Variants in ADAM22 observed in about 807,000 individuals in gnomAD.
The protein encoded by ADAM22 is ADAM metallopeptidase domain 22, also known as disintegrin and metalloproteinase domain-containing protein 22.
A neutral mutation model predicts 144.6 loss-of-function variants in ADAM22; 65 were observed. The ratio of observed to expected loss-of-function variants is 0.45; its 90% CI spans 0.37 to 0.55. ADAM22 has a LOEUF of 0.55. ADAM22 is among the 20% of genes least tolerant of loss of function. The probability of loss-of-function intolerance (pLI) is 0.00; values close to 1 mark genes in which losing one functional copy is unlikely to be tolerated. For missense variants in ADAM22, 974 were observed against 1,184.9 expected (o/e 0.82, Z 2.61); for synonymous variants, 391 against 412.6 (o/e 0.95, Z 0.63).
chr7:88,066,522 G>A (rs1811288121), intron 3 of ADAM22, among the ~76,000 whole-genome samples: 1 of 152,020 alleles, frequency 6.6e-6, no homozygotes, highest in Non-Finnish European at 1.5e-5. Flanking sequence ...GTATATAGTT[G>A]GATATATGAT....
chr7:88,000,791 A>G (rs897462615), intron 3 of ADAM22, among the ~76,000 whole-genome samples: 22 of 152,214 alleles, frequency 1.4e-4, no homozygotes, highest in Admixed American at 8.5e-4. Flanking sequence ...ACTGAAGCTT[A>G]GGAAAATTCA....
chr7:88,033,590 T>C (rs576939390), intron 3 of ADAM22, among the ~76,000 whole-genome samples: 2 of 152,148 alleles, frequency 1.3e-5, no homozygotes, highest in South Asian at 4.1e-4. Context: ...GGGTCTACCA[T>C]CAGCTGGTGG....
chr7:88,075,744 C>G (rs1814241497), intron 4 of ADAM22, 52 bp downstream of exon 4: 1 of 1,208,722 alleles, frequency 8.3e-7, no homozygotes, highest in African/African-American at 1.5e-5. Flanking sequence ...TCTTTTAATA[C>G]TACTGATTAT....
rs527488251 is a variant in ADAM22, at chr7:87,965,330, T to A, written c.247-13006T>A. Among the ~76,000 whole-genome samples, 6 of 152,310 alleles carry A rather than the reference T, an allele frequency of 3.9e-5. No individual in the cohort carries two copies. In the South Asian group the frequency reaches 1.2e-3, roughly 32 times the overall value. On this transcript the variant is annotated intron_variant, in intron 2 of 31. Coordinates refer to ENST00000413139, the MANE Select transcript of ADAM22 (RefSeq NM_001324418.2). The stretch of plus-strand genomic sequence containing the variant: ...TTTAGCAGGTACTTTGCTCTTAGAG[T>A]ATTTCTTGACTATATCCTTGGAAAA...
intron 21 of ADAM22, 27 bp from the exon 22 acceptor site, chr7:88,155,860 G>A: frequency 6.2e-7 from 1 of 1,607,958 alleles, no homozygotes; most frequent in Non-Finnish European, 8.5e-7. Flanking sequence ...TTTGGGAAAA[G>A]AAGTAATTGG....
At chr7:87,964,921 T>C (rs769383642) in intron 2 of ADAM22, among the ~76,000 whole-genome samples, 3 of 152,204 alleles carry the variant, frequency 2.0e-5, no homozygotes, top group African/African-American at 4.8e-5. Flanking sequence ...CTAACCTATG[T>C]GTGCATTGCA....
intron 3 of ADAM22, among the ~76,000 whole-genome samples, chr7:88,028,949 T>TA (rs1585113427): frequency 6.6e-6 from 1 of 152,090 alleles, no homozygotes; most frequent in African/African-American, 2.4e-5. Flanking sequence ...CTTGTTTTTT[T>TA]ATCCATTAAG....
At chr7:87,965,240 T>C (rs1310708254) in intron 2 of ADAM22, among the ~76,000 whole-genome samples, 1 of 152,236 alleles carries the variant, frequency 6.6e-6, no homozygotes, top group African/African-American at 2.4e-5. Flanking sequence ...AAGTCATAGG[T>C]GAAAACCTGT....
At chr7:87,952,939 T>C (rs528540842) in intron 2 of ADAM22, among the ~76,000 whole-genome samples, 2 of 152,336 alleles carry the variant, frequency 1.3e-5, no homozygotes, top group South Asian at 2.1e-4. Context: ...TAGAGGTGTT[T>C]GTAGTATTCT....
intron 7 of ADAM22, among the ~76,000 whole-genome samples, chr7:88,121,327 G>A (rs1829251226): frequency 6.6e-6 from 1 of 152,008 alleles, no homozygotes; most frequent in African/African-American, 2.4e-5. Flanking sequence ...GGGGAAAACA[G>A]CATATTATTA....
At position 88,128,608 on chromosome 7, in the gene ADAM22, C is replaced by T. The variant is rs778098154; in HGVS notation, c.685C>T (p.Arg229Ter). ...RPKRSKRQLR[R>*]YPRNVEEETK... Reference sequence around the variant, plus strand: ...TTCCTTTCCTGTGTTACAGCTTCGTCGATATCCTCGTAATGTAGAAGAAGA... The same window carrying T: ...TTCCTTTCCTGTGTTACAGCTTCGTTGATATCCTCGTAATGTAGAAGAAGA... Residue 229 changes from arginine to a stop codon, truncating the protein, a stop_gained, in exon 9 of 32, where the codon CGA becomes TGA. Transcript: ENST00000413139. LOFTEE classifies it high-confidence loss of function. The T allele has an allele frequency of 4.3e-6, 7 of 1,611,072 alleles. No individual in the cohort carries two copies. Among genetic ancestry groups the T allele is most frequent in the South Asian group, 2.2e-5 (2 of 90,968 alleles).
intron 26 of ADAM22, among the ~76,000 whole-genome samples, chr7:88,176,838 C>T (rs1382404352): frequency 5.3e-5 from 8 of 152,124 alleles, no homozygotes; most frequent in Admixed American, 5.2e-4. Flanking sequence ...GATCTCGGCT[C>T]ACTGCAACCT....
intron 4 of ADAM22, among the ~76,000 whole-genome samples, chr7:88,078,691 A>G (rs1215001289): frequency 6.6e-6 from 1 of 152,250 alleles, no homozygotes; most frequent in African/African-American, 2.4e-5. Context: ...CGAGAACTGC[A>G]TGACGAATGC....
At chr7:87,963,845 C>T (rs1267390374) in intron 2 of ADAM22, among the ~76,000 whole-genome samples, 1 of 152,068 alleles carries the variant, frequency 6.6e-6, no homozygotes, top group Non-Finnish European at 1.5e-5. Flanking sequence ...GTTCAATGAG[C>T]CTTTGATATG....
At chr7:88,153,704 G>C (rs529581169) in intron 21 of ADAM22, among the ~76,000 whole-genome samples, 2 of 152,206 alleles carry the variant, frequency 1.3e-5, no homozygotes, top group East Asian at 3.9e-4. Flanking sequence ...ATATTTCACT[G>C]TCCTTCTGTC....
intron 2 of ADAM22, among the ~76,000 whole-genome samples, chr7:87,975,899 C>T (rs1042432950): frequency 2.0e-5 from 3 of 152,086 alleles, no homozygotes; most frequent in African/African-American, 7.2e-5. Context: ...AGCAGAGGCT[C>T]TTCCCAAAAC....
chr7:88,010,926 C>T (rs979834968), intron 3 of ADAM22, among the ~76,000 whole-genome samples: 1 of 152,104 alleles, frequency 6.6e-6, no homozygotes, highest in Non-Finnish European at 1.5e-5. Flanking sequence ...AATTTAGGCA[C>T]AAAATTCACT....
rs772475954 is a variant in ADAM22 at position 88,136,001 on chromosome 7, C to G, written c.1190C>G (p.Thr397Arg). 1 of 1,611,756 alleles carries G rather than the reference C, an allele frequency of 6.2e-7. No homozygotes were observed. The highest frequency in any genetic ancestry group is 1.7e-5 in the Admixed American group (1 of 59,776). ...TTAGGTGAATGTAAATGCGAGGACACGTGGTCCGGGTGCATAATGGGAGAC... is the reference window on the plus strand; with the variant it reads ...TTAGGTGAATGTAAATGCGAGGACAGGTGGTCCGGGTGCATAATGGGAGAC... The part of the protein sequence containing the change: ...LASGECKCED[T>R]WSGCIMGDTG... Residue 397 changes from threonine to arginine, a missense_variant, in exon 14 of 32, where the codon ACG becomes AGG. Physicochemically the swap from Thr to Arg is moderately conservative, Grantham distance 71. Around this residue, in one of 2 missense-constraint regions of ADAM22, gnomAD observed 734 missense variants for 950.6 expected, o/e 0.77. Coordinates refer to ENST00000413139, the MANE Select transcript of ADAM22 (RefSeq NM_001324418.2).
At chr7:88,184,304 A>G (rs776152991) in intron 29 of ADAM22, 8 of 414,312 alleles carry the variant, frequency 1.9e-5, no homozygotes, top group Non-Finnish European at 3.9e-5. Flanking sequence ...GGGAGCCCCA[A>G]GCACCTGAGC....
Sources: gnomAD v4.1 joint callset for allele counts (sites outside exome capture counted in the v4.1 genomes callset) on GRCh38, gnomAD v4.1.1 for gene constraint, gnomAD v4.1.1 regional missense constraint, MANE v1.5 for transcripts, NCBI Gene and HGNC (gene_info 2026-07-23, HGNC 2026-07-21) for gene names.